Variants in CA5B observed in about 807,000 individuals in gnomAD.
CA5B encodes the protein carbonic anhydrase 5B, mitochondrial.
Under a neutral mutation model 23.1 loss-of-function variants are expected in CA5B, and 15 were observed. That is an observed-to-expected ratio of 0.65 (90% CI 0.43 to 1.00). CA5B has a LOEUF of 1.00. Among genes scored for constraint, CA5B ranks in the 50% least tolerant of loss-of-function variants. The pLI is 0.00. For synonymous variants in CA5B, 84 were observed against 98.5 expected, an observed-to-expected ratio of 0.85 and a Z score of 0.87; for missense variants, 236 against 252.2, an observed-to-expected ratio of 0.94 and a Z score of 0.43.
At chrX:15,751,221 A>G (rs1425802987) in intron 2 of CA5B, among the ~76,000 whole-genome samples, 2 of 112,187 alleles carry the variant, frequency 1.8e-5, no homozygotes, top group African/African-American at 6.5e-5. Flanking sequence ...TCTCCCCTTT[A>G]GTGTTTATTT....
chrX:15,741,582 C>T (rs1931123445), intron 1 of CA5B, among the ~76,000 whole-genome samples: 1 of 109,083 alleles, frequency 9.2e-6, no homozygotes, highest in Non-Finnish European at 1.9e-5. Context: ...TGGGTTCAAG[C>T]AATTCTCTGC....
At chrX:15,758,895 C>A (rs1931546590) in intron 2 of CA5B, among the ~76,000 whole-genome samples, 1 of 111,791 alleles carries the variant, frequency 8.9e-6, no homozygotes, top group Non-Finnish European at 1.9e-5. Context: ...AAGTATTAAC[C>A]GAAAGCCAGC....
intron 1 of CA5B, among the ~76,000 whole-genome samples, chrX:15,741,234 A>G (rs1419930008): frequency 1.9e-5 from 2 of 105,221 alleles, no homozygotes; most frequent in Non-Finnish European, 3.9e-5. Flanking sequence ...TGCACGGCTA[A>G]TTTTTGTACT....
At chrX:15,781,927 C>A (rs68039732) in intron 7 of CA5B, among the ~76,000 whole-genome samples, 1,397 of 74,726 alleles carry the variant, frequency 0.019, 15 homozygotes, top group African/African-American at 0.051. Context: ...TTAAAAAAAA[C>A]AAAAAAAAAA....
At chrX:15,753,402 G>C (rs1300043031) in intron 2 of CA5B, among the ~76,000 whole-genome samples, 1 of 112,052 alleles carries the variant, frequency 8.9e-6, no homozygotes, top group Non-Finnish European at 1.9e-5. Flanking sequence ...GGGGATTGTA[G>C]AAGCCAAGGT....
chrX:15,754,130 C>G (rs746119356), intron 2 of CA5B, among the ~76,000 whole-genome samples: 1 of 111,970 alleles, frequency 8.9e-6, no homozygotes, highest in East Asian at 2.8e-4. Flanking sequence ...CCCAACCTCT[C>G]TTCCCCTCAT....
chrX:15,779,818 A>G (rs183679123), intron 7 of CA5B, among the ~76,000 whole-genome samples: 1 of 112,064 alleles, frequency 8.9e-6, no homozygotes, highest in Admixed American at 9.5e-5. Flanking sequence ...AAATTGACAC[A>G]TTTCCTTGAC....
chrX:15,783,819 A>G lies in CA5B; in HGVS notation c.*1155A>G, dbSNP rs1429799218. ...TAAAAAAAAAAAAAGAAAAGAAAAG[A>G]AAAAATGCTTAAAGTGCCTAGAACT... On this transcript the variant is annotated 3_prime_UTR_variant, in exon 8 of 8. Transcript: ENST00000318636. 1 of 108,422 alleles carries G rather than the reference A, an allele frequency of 9.2e-6. No individual in the cohort carries two copies. Among genetic ancestry groups the G allele is most frequent in the East Asian group, 2.9e-4 (1 of 3,504 alleles). 8.9% of individuals were successfully genotyped at this position (108,422 alleles called of 1,213,427 possible).
intron 3 of CA5B, chrX:15,765,209 G>C (rs907440715): frequency 3.0e-5 from 4 of 131,752 alleles, no homozygotes; most frequent in Non-Finnish European, 5.6e-5. Flanking sequence ...GGGGCCAAAA[G>C]GATATTCATG....
At chrX:15,755,691 T>A (rs1194666625) in intron 2 of CA5B, among the ~76,000 whole-genome samples, 1 of 112,408 alleles carries the variant, frequency 8.9e-6, no homozygotes, top group East Asian at 2.8e-4. Context: ...AGCCCAGGAC[T>A]TTGGGAGGCC....
intron 4 of CA5B, 65 bp from the exon 5 acceptor site, chrX:15,774,237 C>T: frequency 9.3e-7 from 1 of 1,080,004 alleles, no homozygotes; most frequent in South Asian, 2.2e-5. Context: ...TTGACTGAGG[C>T]TGTGGGTTTA....
intron 2 of CA5B, among the ~76,000 whole-genome samples, chrX:15,753,060 TTTGA>T (rs1248948700): frequency 9.0e-6 from 1 of 111,623 alleles, no homozygotes; most frequent in African/African-American, 3.3e-5. Context: ...CTTAAATGTA[TTTGA>T]TTGATGTCTC....
At chrX:15,757,054 C>A (rs866423073) in intron 2 of CA5B, among the ~76,000 whole-genome samples, 329 of 59,148 alleles carry the variant, frequency 5.6e-3, no homozygotes, top group East Asian at 8.0e-3. Flanking sequence ...GACTCCGTCT[C>A]AAAAAAAAAA....
At chrX:15,780,554 G>A (rs1235694975) in intron 7 of CA5B, among the ~76,000 whole-genome samples, 2 of 111,721 alleles carry the variant, frequency 1.8e-5, no homozygotes, top group Non-Finnish European at 3.8e-5. Context: ...TTACAGGTGT[G>A]AGCCACCCCA....
intron 7 of CA5B, among the ~76,000 whole-genome samples, chrX:15,780,277 ATT>A (rs34933895): frequency 3.6e-4 from 36 of 100,015 alleles, no homozygotes; most frequent in Admixed American, 8.8e-4. Flanking sequence ...TGCCTGGAAC[ATT>A]TTTTTTTTTT....
chrX:15,762,748 C>T (rs749348266), intron 2 of CA5B: 3 of 340,929 alleles, frequency 8.8e-6, no homozygotes, highest in South Asian at 5.2e-5. Flanking sequence ...TGCAGAGGGT[C>T]GTTGGTAATT....
At chrX:15,774,843 C>T (rs1931891076) in intron 5 of CA5B, among the ~76,000 whole-genome samples, 1 of 111,460 alleles carries the variant, frequency 9.0e-6, no homozygotes, top group Non-Finnish European at 1.9e-5. Context: ...ATCCCCCCCA[C>T]CACCAAAAAA....
intron 2 of CA5B, among the ~76,000 whole-genome samples, chrX:15,752,062 C>G (rs1363240429): frequency 8.9e-6 from 1 of 111,764 alleles, no homozygotes; most frequent in African/African-American, 3.3e-5. Context: ...GATACAGCCT[C>G]AAGAGGTCCT....
chrX:15,753,860 A>C (rs2147257910), intron 2 of CA5B, among the ~76,000 whole-genome samples: 1 of 112,519 alleles, frequency 8.9e-6, no homozygotes, highest in South Asian at 3.7e-4. Flanking sequence ...AGGTGAGCTG[A>C]GATCGTGCCA....
Sources: gnomAD v4.1 joint callset for allele counts (sites outside exome capture counted in the v4.1 genomes callset) on GRCh38, gnomAD v4.1.1 for gene constraint, MANE v1.5 for transcripts, NCBI Gene and HGNC (gene_info 2026-07-23, HGNC 2026-07-21) for gene names.